ZNF521: variants seen among roughly 807,000 people sequenced by gnomAD.
The protein encoded by ZNF521 is zinc finger protein 521.
ZNF521 carries 14 observed loss-of-function variants against 105.5 expected under a neutral mutation model. The observed-to-expected ratio is 0.13, with a 90% CI of 0.09 to 0.21. The LOEUF is 0.21. Ranked by LOEUF, ZNF521 falls within the 10% of genes least tolerant of loss-of-function variation. The probability of loss-of-function intolerance (pLI) is 1.00; values close to 1 mark genes in which losing one functional copy is unlikely to be tolerated. For synonymous variants in ZNF521, 635 were observed against 606.0 expected, an observed-to-expected ratio of 1.05 and a Z score of -0.70; for missense variants, 1,233 against 1,629.7, an observed-to-expected ratio of 0.76 and a Z score of 4.19.
chr18:25,182,549 C>A lies in ZNF521; in HGVS notation c.3658+12611G>T, dbSNP rs556698685. Among the ~76,000 whole-genome samples the A allele has an allele frequency of 9.2e-5, 14 of 152,274 alleles. 1 individual carries two copies. Among genetic ancestry groups the A allele is most frequent in the Admixed American group, 7.9e-4 (12 of 15,284 alleles). ...TTCCTTCATGTATACTTAAAGCTAT[C>A]TCCTTTATTCATTCTTTATTATAAA... On this transcript the variant is annotated intron_variant, in intron 5 of 7. Coordinates refer to ENST00000361524, the MANE Select transcript of ZNF521 (RefSeq NM_015461.3).
chr18:25,294,068 A>G (rs1468837134), intron 3 of ZNF521, among the ~76,000 whole-genome samples: 4 of 152,172 alleles, frequency 2.6e-5, no homozygotes, highest in Non-Finnish European at 4.4e-5. Flanking sequence ...TTGATCCATT[A>G]CAATATAAAA....
intron 2 of ZNF521, among the ~76,000 whole-genome samples, chr18:25,345,047 T>C (rs947883232): frequency 2.0e-5 from 3 of 152,202 alleles, no homozygotes; most frequent in African/African-American, 7.2e-5. Flanking sequence ...CTCAAGCAAG[T>C]ATACTTAATA....
At chr18:25,303,102 T>G (rs1253227999) in intron 3 of ZNF521, 1 of 152,150 alleles carries the variant, frequency 6.6e-6, no homozygotes, top group Non-Finnish European at 1.5e-5. Context: ...CATGGTGACA[T>G]GAACTCTGGC....
chr18:25,234,207 G>A (rs1245176353), intron 3 of ZNF521, among the ~76,000 whole-genome samples: 1 of 152,096 alleles, frequency 6.6e-6, no homozygotes, highest in Non-Finnish European at 1.5e-5. Context: ...TCAATAATTG[G>A]CAACTGTGTA....
chr18:25,157,280 A>G (rs1000410951), intron 5 of ZNF521, among the ~76,000 whole-genome samples: 3 of 152,230 alleles, frequency 2.0e-5, no homozygotes, highest in Non-Finnish European at 4.4e-5. Context: ...TTGTTGCTAC[A>G]TATCTGATGG....
At chr18:25,193,716 G>A (rs1190417717) in intron 5 of ZNF521, among the ~76,000 whole-genome samples, 1 of 151,922 alleles carries the variant, frequency 6.6e-6, no homozygotes, top group Non-Finnish European at 1.5e-5. Flanking sequence ...CCTACATTTT[G>A]CCATTATCTT....
chr18:25,231,210 G>C (rs575129715), intron 3 of ZNF521, among the ~76,000 whole-genome samples: 2 of 152,132 alleles, frequency 1.3e-5, no homozygotes, highest in African/African-American at 4.8e-5. Flanking sequence ...CAGGCTTTCC[G>C]GACCATCTTC....
chr18:25,162,222 G>GA (rs954777854), intron 5 of ZNF521, among the ~76,000 whole-genome samples: 5 of 151,626 alleles, frequency 3.3e-5, no homozygotes, highest in South Asian at 2.1e-4. Context: ...GAATTGATGG[G>GA]AAAAAAAGGC....
At chr18:25,345,758 T>A (rs1265548725) in intron 2 of ZNF521, among the ~76,000 whole-genome samples, 1 of 152,186 alleles carries the variant, frequency 6.6e-6, no homozygotes, top group Admixed American at 6.5e-5. Context: ...GACTTCAACA[T>A]CTAGTCAGTA....
chr18:25,266,525 T>C (rs1909262149), intron 3 of ZNF521, among the ~76,000 whole-genome samples: 1 of 152,124 alleles, frequency 6.6e-6, no homozygotes, highest in South Asian at 2.1e-4. Context: ...AGGCGGGTGA[T>C]TTCTGCATTT....
chr18:25,217,645 C>G (rs1350219701), intron 4 of ZNF521, among the ~76,000 whole-genome samples: 1 of 152,166 alleles, frequency 6.6e-6, no homozygotes, highest in Non-Finnish European at 1.5e-5. Flanking sequence ...CATTCAAGCT[C>G]CATGGCATGA....
At chr18:25,326,765 G>A (rs141434002) in intron 2 of ZNF521, among the ~76,000 whole-genome samples, 178 of 152,296 alleles carry the variant, frequency 1.2e-3, no homozygotes, top group African/African-American at 4.2e-3. Context: ...AAGATTCTGA[G>A]GATGATGTAA....
At chr18:25,235,510 A>C (rs922224268) in intron 3 of ZNF521, among the ~76,000 whole-genome samples, 21 of 152,222 alleles carry the variant, frequency 1.4e-4, no homozygotes, top group African/African-American at 5.1e-4. Flanking sequence ...AAACCACCAG[A>C]ATTTTCAAAA....
intron 7 of ZNF521, among the ~76,000 whole-genome samples, chr18:25,088,493 A>G (rs2033675584): frequency 6.6e-6 from 1 of 152,004 alleles, no homozygotes; most frequent in Non-Finnish European, 1.5e-5. Flanking sequence ...TGCTGGGATT[A>G]CAGGTGTGAG....
intron 3 of ZNF521, among the ~76,000 whole-genome samples, chr18:25,294,166 T>TA (rs1176841723): frequency 9.6e-4 from 146 of 152,336 alleles, no homozygotes; most frequent in African/African-American, 3.3e-3. Context: ...AGGTTTCTCT[T>TA]AAAGAGGAAT....
At chr18:25,296,382 T>C (rs774518180) in intron 3 of ZNF521, among the ~76,000 whole-genome samples, 2 of 152,216 alleles carry the variant, frequency 1.3e-5, no homozygotes, top group Non-Finnish European at 2.9e-5. Flanking sequence ...ACTTTCAGCA[T>C]CAATTTCATA....
intron 3 of ZNF521, among the ~76,000 whole-genome samples, chr18:25,299,590 T>C (rs1911515395): frequency 6.6e-6 from 1 of 152,216 alleles, no homozygotes; most frequent in Non-Finnish European, 1.5e-5. Context: ...ATAAAGTGAT[T>C]GCCCAATACT....
intron 5 of ZNF521, among the ~76,000 whole-genome samples, chr18:25,143,826 A>C (rs1015570425): frequency 5.3e-5 from 8 of 152,226 alleles, no homozygotes; most frequent in African/African-American, 1.9e-4. Context: ...GCAATTGTTC[A>C]ATTTGTCCTC....
chr18:25,113,335 A>G (rs1567966986), intron 5 of ZNF521, among the ~76,000 whole-genome samples: 1 of 152,134 alleles, frequency 6.6e-6, no homozygotes. Context: ...CCAAGCCTTC[A>G]GATGAAAACC....
Sources: allele counts gnomAD v4.1 joint callset (sites outside exome capture counted in the v4.1 genomes callset), GRCh38; gene constraint gnomAD v4.1.1; transcripts MANE v1.5; gene names NCBI Gene and HGNC (gene_info 2026-07-23, HGNC 2026-07-21).